The following PBX3 variants were observed in gnomAD, a reference collection of about 807,000 sequenced individuals.
The protein encoded by PBX3 is PBX homeobox 3.
In PBX3, 14 loss-of-function variants were observed where a neutral mutation model predicts 48.5. The observed-to-expected ratio is 0.29, with a 90% CI of 0.19 to 0.45. PBX3 has a LOEUF of 0.45. PBX3 is among the 20% of genes least tolerant of loss of function. The pLI, the probability that PBX3 is intolerant of heterozygous loss-of-function variation, is 1.00. For synonymous variants in PBX3, 210 were observed against 200.3 expected, an observed-to-expected ratio of 1.05 and a Z score of -0.41; for missense variants, 386 against 546.7, an observed-to-expected ratio of 0.71 and a Z score of 2.93.
chr9:125,839,354 G>C (rs150499607), intron 2 of PBX3, among the ~76,000 whole-genome samples: 331 of 152,230 alleles, frequency 2.2e-3, no homozygotes, highest in Non-Finnish European at 3.9e-3. Flanking sequence ...GAATAAAGAG[G>C]ACTATACTCA....
chr9:125,850,394 C>T (rs1305956854), intron 2 of PBX3, among the ~76,000 whole-genome samples: 1 of 152,044 alleles, frequency 6.6e-6, no homozygotes, highest in African/African-American at 2.4e-5. Context: ...TATCTAGGTA[C>T]ACTGGAAGTT....
chr9:125,954,139 C>G (rs1030495343), intron 5 of PBX3, among the ~76,000 whole-genome samples: 6 of 152,194 alleles, frequency 3.9e-5, no homozygotes, highest in Non-Finnish European at 8.8e-5. Context: ...GGGTGCCCAA[C>G]AAGAGACATT....
intron 2 of PBX3, among the ~76,000 whole-genome samples, chr9:125,778,430 T>G (rs1196527912): frequency 6.6e-6 from 1 of 152,018 alleles, no homozygotes; most frequent in East Asian, 1.9e-4. Flanking sequence ...ATTAATTTTT[T>G]GTATTTTTAG....
intron 2 of PBX3, among the ~76,000 whole-genome samples, chr9:125,763,178 C>G (rs1368533103): frequency 6.6e-6 from 1 of 152,146 alleles, no homozygotes; most frequent in Admixed American, 6.5e-5. Flanking sequence ...CTTTTGCAGT[C>G]TAATTTTTCT....
chr9:125,903,153 T>G (rs940215736), intron 2 of PBX3, among the ~76,000 whole-genome samples: 4 of 151,766 alleles, frequency 2.6e-5, no homozygotes, highest in Non-Finnish European at 4.4e-5. Flanking sequence ...CCAGCTTGAT[T>G]TGAAATGAAA....
intron 3 of PBX3, among the ~76,000 whole-genome samples, chr9:125,926,394 C>T (rs1460430888): frequency 6.6e-6 from 1 of 151,942 alleles, no homozygotes; most frequent in Non-Finnish European, 1.5e-5. Context: ...GTGGCATATG[C>T]CTGTAATCCC....
chr9:125,770,262 A>G (rs1179983833), intron 2 of PBX3, among the ~76,000 whole-genome samples: 1 of 152,210 alleles, frequency 6.6e-6, no homozygotes, highest in Non-Finnish European at 1.5e-5. Flanking sequence ...ATATTCTCTG[A>G]TAGTGACATG....
chr9:125,767,123 C>T (rs1329308608), intron 2 of PBX3, among the ~76,000 whole-genome samples: 1 of 152,076 alleles, frequency 6.6e-6, no homozygotes, highest in Non-Finnish European at 1.5e-5. Flanking sequence ...TAACTGTAAC[C>T]CTTAACAGCA....
At chr9:125,941,592 A>G (rs1841959974) in intron 5 of PBX3, among the ~76,000 whole-genome samples, 2 of 152,214 alleles carry the variant, frequency 1.3e-5, no homozygotes, top group South Asian at 2.1e-4. Context: ...GGTTGGATGT[A>G]GAATGTGTGA....
At chr9:125,862,494 C>A (rs771820337) in intron 2 of PBX3, among the ~76,000 whole-genome samples, 3 of 151,908 alleles carry the variant, frequency 2.0e-5, no homozygotes, top group Non-Finnish European at 2.9e-5. Flanking sequence ...TCAAGCAATT[C>A]TCCTGCCTCA....
chr9:125,780,876 A>T (rs1416657192), intron 2 of PBX3, among the ~76,000 whole-genome samples: 1 of 145,780 alleles, frequency 6.9e-6, no homozygotes, highest in Non-Finnish European at 1.5e-5. Context: ...CTCACTTCTC[A>T]GACGGGGCGG....
chr9:125,923,759 G>A (rs1249402869), intron 3 of PBX3, among the ~76,000 whole-genome samples: 3 of 151,370 alleles, frequency 2.0e-5, no homozygotes, highest in Non-Finnish European at 4.4e-5. Flanking sequence ...GTAGAGATGG[G>A]GTCTCACTGT....
intron 2 of PBX3, among the ~76,000 whole-genome samples, chr9:125,877,500 CAG>C (rs1343264224): frequency 3.3e-5 from 5 of 152,208 alleles, no homozygotes; most frequent in African/African-American, 7.2e-5. Context: ...TGTGTAAAAA[CAG>C]AGAAATTAAG....
intron 5 of PBX3, among the ~76,000 whole-genome samples, chr9:125,953,407 G>A (rs1248776707): frequency 6.6e-6 from 1 of 151,616 alleles, no homozygotes; most frequent in Non-Finnish European, 1.5e-5. Context: ...AGCCTGGGAG[G>A]TTGAGGCTGT....
chr9:125,834,171 T>C (rs1273710946), intron 2 of PBX3, among the ~76,000 whole-genome samples: 1 of 152,162 alleles, frequency 6.6e-6, no homozygotes, highest in African/African-American at 2.4e-5. Flanking sequence ...TTTCGAAGCA[T>C]GATAAACATT....
chr9:125,899,249 GTATATATATTTATATATAAATATACATA>G (rs1840856091), intron 2 of PBX3, among the ~76,000 whole-genome samples: 2 of 115,666 alleles, frequency 1.7e-5, no homozygotes, highest in East Asian at 2.9e-4. Flanking sequence ...ATATACATAT[GTATATATATTTATATATAAATATACATA>G]TGTATATATA....
At chr9:125,884,491 T>A (rs1339671812) in intron 2 of PBX3, among the ~76,000 whole-genome samples, 2 of 152,208 alleles carry the variant, frequency 1.3e-5, no homozygotes, top group African/African-American at 4.8e-5. Flanking sequence ...AATGTGATTG[T>A]CTAGAAACTG....
intron 8 of PBX3, 124 bp from the exon 9 acceptor site, chr9:125,965,707 G>A (rs746338274): frequency 7.1e-5 from 51 of 713,444 alleles, no homozygotes; most frequent in Middle Eastern, 3.0e-4. Context: ...TCCTGCCACA[G>A]TGGGTTTAGA....
chr9:125,937,359 T>A (rs549419354), intron 5 of PBX3, among the ~76,000 whole-genome samples: 4 of 152,202 alleles, frequency 2.6e-5, no homozygotes, highest in African/African-American at 9.6e-5. Flanking sequence ...TGTGTTTTTT[T>A]TAAAAAAAAC....
Sources: allele counts gnomAD v4.1 joint callset (sites outside exome capture counted in the v4.1 genomes callset), GRCh38; gene constraint gnomAD v4.1.1; transcripts MANE v1.5; gene names NCBI Gene and HGNC (gene_info 2026-07-23, HGNC 2026-07-21).